The following ADD1 variants were observed in gnomAD, a reference collection of about 807,000 sequenced individuals.
The protein encoded by ADD1 is adducin 1.
Under a neutral mutation model 80.5 loss-of-function variants are expected in ADD1, and 24 were observed. That is an observed-to-expected ratio of 0.30 (90% CI 0.22 to 0.42). The LOEUF (loss-of-function observed/expected upper bound fraction) is 0.42. Ranked by LOEUF, ADD1 falls within the 10% of genes least tolerant of loss-of-function variation. The pLI, the probability that ADD1 is intolerant of heterozygous loss-of-function variation, is 1.00. For synonymous variants in ADD1, 373 were observed against 393.8 expected (o/e 0.95, Z 0.63); for missense variants, 948 against 1,019.0 (o/e 0.93, Z 0.95).
intron 1 of ADD1, among the ~76,000 whole-genome samples, chr4:2,846,945 G>A (rs1271241251): frequency 1.3e-5 from 2 of 151,774 alleles, no homozygotes; most frequent in East Asian, 1.9e-4. Flanking sequence ...GTGAAATCCC[G>A]TCTCTACTAA....
At chr4:2,844,782 A>G (rs762181970) in intron 1 of ADD1, 6 of 152,340 alleles carry the variant, frequency 3.9e-5, no homozygotes, top group Non-Finnish European at 7.3e-5. Context: ...ACAAAAAGCA[A>G]TTGTCATATC....
At chr4:2,913,920 G>C (rs1433431414) in intron 13 of ADD1, among the ~76,000 whole-genome samples, 1 of 151,996 alleles carries the variant, frequency 6.6e-6, no homozygotes, top group Admixed American at 6.6e-5. Context: ...GTAGCCGGGC[G>C]TGGTGGCGGG....
At chr4:2,863,384 A>T (rs1177862944) in intron 1 of ADD1, among the ~76,000 whole-genome samples, 2 of 152,044 alleles carry the variant, frequency 1.3e-5, no homozygotes, top group African/African-American at 4.8e-5. Context: ...AGACTTCAGA[A>T]ATTATTTGAA....
At chr4:2,917,931 T>A (rs12647647) in intron 14 of ADD1, among the ~76,000 whole-genome samples, 34,832 of 151,970 alleles carry the variant, frequency 0.23, 4,436 homozygotes, top group Non-Finnish European at 0.28. Context: ...TGTAGCCTTG[T>A]AGTATAGTTT....
rs1737312317 is a variant in ADD1 at position 2,907,817 on chromosome 4, A to G, written c.1581A>G (p.Pro527=). The G allele has an allele frequency of 6.2e-6, 10 of 1,613,896 alleles. No individual in the cohort carries two copies. In the Middle Eastern group the frequency reaches 1.0e-3, roughly 161 times the overall value. ...PNLFVPLNTN[P]KEVQEMRNKI... ...TGTTTGTTCCATTGAACACTAACCCAAAAGAGGTCCAGGAGATGAGGAACA... is the reference window on the plus strand; with the variant it reads ...TGTTTGTTCCATTGAACACTAACCCGAAAGAGGTCCAGGAGATGAGGAACA... Residue 527 remains proline, a synonymous_variant, in exon 11 of 16, where the codon CCA becomes CCG. Coordinates refer to ENST00000683351, the MANE Select transcript of ADD1 (RefSeq NM_001354761.2).
intron 14 of ADD1, among the ~76,000 whole-genome samples, chr4:2,917,496 T>C (rs779132152): frequency 2.0e-4 from 31 of 152,366 alleles, no homozygotes; most frequent in Middle Eastern, 3.4e-3. Context: ...TTCATTCTGA[T>C]GATAGTTTCT....
intron 1 of ADD1, among the ~76,000 whole-genome samples, chr4:2,871,173 G>A (rs191796223): frequency 5.9e-5 from 9 of 151,948 alleles, no homozygotes; most frequent in South Asian, 2.1e-4. Context: ...GGGTTTCACC[G>A]TGTTAGCCAG....
chr4:2,923,684 C>T (rs1299357597), intron 14 of ADD1, among the ~76,000 whole-genome samples: 1 of 152,240 alleles, frequency 6.6e-6, no homozygotes, highest in Non-Finnish European at 1.5e-5. Flanking sequence ...CAGTTTGATT[C>T]ATTAACACTC....
chr4:2,884,541 G>T lies in ADD1; in HGVS notation c.385G>T (p.Asp129Tyr). The T allele has an allele frequency of 6.2e-7, 1 of 1,607,426 alleles. No individual in the cohort carries two copies. The highest frequency in any genetic ancestry group is 8.5e-7 in the Non-Finnish European group (1 of 1,175,906). Residue 129 changes from aspartate to tyrosine, a missense_variant, in exon 4 of 16, where the codon GAT becomes TAT. Physicochemically the swap from Asp to Tyr is radical, Grantham distance 160. Transcript: ENST00000683351. Reference sequence around the variant, plus strand: ...TCTTGGTATGGTGACTCCTGTGAACGATCTTAGAGGATCTGATTCTATTGC... The same window carrying T: ...TCTTGGTATGGTGACTCCTGTGAACTATCTTAGAGGATCTGATTCTATTGC... ...MSLGMVTPVN[D>Y]LRGSDSIAYD...
chr4:2,877,963 T>A (rs560734483), intron 2 of ADD1, among the ~76,000 whole-genome samples: 22 of 151,736 alleles, frequency 1.4e-4, no homozygotes, highest in African/African-American at 5.1e-4. Context: ...TGAGACCCTG[T>A]CTCCAAAAAA....
At chr4:2,852,181 T>TC (rs1443872197) in intron 1 of ADD1, among the ~76,000 whole-genome samples, 1,251 of 55,888 alleles carry the variant, frequency 0.022, 20 homozygotes, top group Admixed American at 0.069. Context: ...TTTCTTTCTT[T>TC]CTTTCTTTCT....
rs549599650 is a variant in ADD1, at chr4:2,928,477, G to A, written c.2354G>A (p.Arg785His). Residue 785 changes from arginine to histidine, a missense_variant, in exon 16 of 16, where the codon CGT (arginine) becomes CAT (histidine). By Grantham distance (29) the Arg-to-His change is conservative. Transcript: ENST00000683351. ...KSPSKKKKKF[R>H]TPSFLKKSKK... ...CCGTCCAAAAAGAAGAAGAAGTTCCGTACCCCGTCCTTTCTGAAGAAGAGC... is the reference window on the plus strand; with the variant it reads ...CCGTCCAAAAAGAAGAAGAAGTTCCATACCCCGTCCTTTCTGAAGAAGAGC... 4.4e-5 allele frequency: 71 copies of A among 1,613,706 alleles called. No homozygotes were observed. The highest frequency in any genetic ancestry group is 5.3e-5 in the Non-Finnish European group (63 of 1,180,014).
chr4:2,912,693 A>AT (rs1560237842), intron 13 of ADD1, among the ~76,000 whole-genome samples: 1 of 151,566 alleles, frequency 6.6e-6, no homozygotes, highest in Non-Finnish European at 1.5e-5. Flanking sequence ...TGCTTGGCTA[A>AT]TTTTTAAATT....
intron 1 of ADD1, among the ~76,000 whole-genome samples, chr4:2,846,785 A>G (rs1330649528): frequency 1.3e-5 from 2 of 148,724 alleles, no homozygotes; most frequent in Admixed American, 1.4e-4. Flanking sequence ...ACAGTGAGCC[A>G]TGATCACTTC....
intron 1 of ADD1, among the ~76,000 whole-genome samples, chr4:2,858,005 T>A (rs1052211136): frequency 2.6e-5 from 4 of 152,160 alleles, no homozygotes; most frequent in South Asian, 2.1e-4. Flanking sequence ...GAGCATTGTG[T>A]TAGGAATATT....
intron 10 of ADD1, chr4:2,905,354 C>CAA (rs1736871932): frequency 1.9e-6 from 1 of 535,476 alleles, no homozygotes; most frequent in East Asian, 3.0e-5. Context: ...CCGTATATAG[C>CAA]AAAAATATAC....
At chr4:2,874,547 C>T (rs1022879144) in intron 1 of ADD1, among the ~76,000 whole-genome samples, 1 of 149,452 alleles carries the variant, frequency 6.7e-6, no homozygotes, top group African/African-American at 2.5e-5. Flanking sequence ...GCGGAGGTTT[C>T]AGTGAGCCGA....
intron 14 of ADD1, among the ~76,000 whole-genome samples, chr4:2,921,083 C>T (rs1378994724): frequency 6.6e-6 from 1 of 152,134 alleles, no homozygotes; most frequent in Non-Finnish European, 1.5e-5. Context: ...TTTATTTCTC[C>T]TTCACTTACG....
intron 8 of ADD1, chr4:2,899,031 C>T (rs753440745): frequency 3.7e-6 from 2 of 533,514 alleles, no homozygotes; most frequent in Non-Finnish European, 6.6e-6. Context: ...CTGAAAGGTG[C>T]TGTGTTTTCT....
Sources: gnomAD v4.1 joint callset for allele counts (sites outside exome capture counted in the v4.1 genomes callset) on GRCh38, gnomAD v4.1.1 for gene constraint, MANE v1.5 for transcripts, NCBI Gene and HGNC (gene_info 2026-07-23, HGNC 2026-07-21) for gene names.